The following RBBP6 variants were observed in gnomAD, a reference collection of about 807,000 sequenced individuals.
The protein encoded by RBBP6 is E3 ubiquitin-protein ligase RBBP6.
RBBP6 carries 25 observed loss-of-function variants against 167.7 expected under a neutral mutation model. The ratio of observed to expected loss-of-function variants is 0.15; its 90% CI spans 0.11 to 0.21. The LOEUF (loss-of-function observed/expected upper bound fraction) is 0.21. Among genes scored for constraint, RBBP6 ranks in the 10% least tolerant of loss-of-function variants. The pLI is 1.00. For missense variants in RBBP6, 1,868 were observed against 2,134.2 expected, an observed-to-expected ratio of 0.88 and a Z score of 2.46; for synonymous variants, 789 against 735.8, an observed-to-expected ratio of 1.07 and a Z score of -1.17.
chr16:24,571,460 A>G lies in RBBP6; in HGVS notation c.4394A>G (p.Lys1465Arg), dbSNP rs1276030729. Residue 1465 changes from lysine (K) to arginine (R), a missense_variant, in exon 18 of 18, where the codon AAA becomes AGA. Lys to Arg is a conservative substitution (Grantham distance 26). Transcript: ENST00000319715. ...KHDSTRASSN[K>R]DFTPNRDKKT... Reference sequence around the variant, plus strand: ...GATTCCACTCGTGCTTCCTCAAATAAAGACTTCACTCCCAATAGAGACAAA... The same window carrying G: ...GATTCCACTCGTGCTTCCTCAAATAGAGACTTCACTCCCAATAGAGACAAA... 2.5e-6 allele frequency: 4 copies of G among 1,612,806 alleles called. No homozygotes were observed. The African/African-American group carries it at 5.3e-5, about 22-fold the overall frequency.
Position 24,569,791 on chromosome 16 carries a change from T to C in RBBP6, c.3101T>C (p.Ile1034Thr), listed in dbSNP as rs199891868. The change falls in exon 17 of 18, where the codon ATT becomes ACT. Residue 1034 changes from isoleucine to threonine, a missense_variant. Ile to Thr is a moderately conservative substitution (Grantham distance 89, BLOSUM62 -1). Coordinates refer to ENST00000319715, the MANE Select transcript of RBBP6 (RefSeq NM_006910.5). The stretch of plus-strand genomic sequence containing the variant: ...TCTGCTGTGTCCAAAAAAGAAAATA[T>C]TGTAAAACCTGCTAAAGGACCCCAA... ...DGSAVSKKEN[I>T]VKPAKGPQEK... 1.4e-4 allele frequency: 227 copies of C among 1,613,186 alleles called. 1 individual carries two copies. In the Middle Eastern group the frequency reaches 3.0e-3, roughly 21 times the overall value.
At chr16:24,545,211 A>G (rs947449185) in intron 1 of RBBP6, among the ~76,000 whole-genome samples, 2 of 151,922 alleles carry the variant, frequency 1.3e-5, no homozygotes, top group Non-Finnish European at 2.9e-5. Context: ...AGCTGGGACT[A>G]CAGGCGCCCA....
rs1444525079 is a variant in RBBP6, at chr16:24,563,501, GGTGA to G, written c.1465+3_1465+6del. ...GCATGGACAGTTGATCCCCACAACT[GGTGA>G]GTAAGATCACTTTGGTTTAGACCTT... On this transcript the variant is annotated splice_donor_variant and splice_donor_region_variant and intron_variant, in intron 12 of 17. Coordinates refer to ENST00000319715, the MANE Select transcript of RBBP6 (RefSeq NM_006910.5). LOFTEE classifies it high-confidence loss of function. 2 of 1,612,554 alleles carry G rather than the reference GGTGA, an allele frequency of 1.2e-6. No homozygotes were observed. Among genetic ancestry groups the G allele is most frequent in the Non-Finnish European group, 1.7e-6 (2 of 1,179,666 alleles).
chr16:24,571,965 T>G lies in RBBP6; in HGVS notation c.4899T>G (p.Asp1633Glu), dbSNP rs1899351147. ...RLSSDLTRET[D>E]EAAFEPDYNE... ...CCTCTGACTTAACTAGAGAAACTGA[T>G]GAAGCTGCTTTTGAACCAGACTATA... Residue 1633 changes from aspartate to glutamate, a missense_variant, in exon 18 of 18, where the codon GAT becomes GAG. Transcript: ENST00000319715. The G allele has an allele frequency of 1.2e-6, 2 of 1,613,748 alleles. No individual in the cohort carries two copies. Among genetic ancestry groups the G allele is most frequent in the Non-Finnish European group, 1.7e-6 (2 of 1,179,942 alleles).
intron 3 of RBBP6, among the ~76,000 whole-genome samples, chr16:24,550,319 T>C (rs1159947794): frequency 6.6e-6 from 1 of 151,426 alleles, no homozygotes; most frequent in Non-Finnish European, 1.5e-5. Context: ...TCTTAGTGTT[T>C]GGGGTTTTTT....
In RBBP6 at chr16:24,571,443, T is replaced by C; in HGVS notation, c.4377T>C (p.Thr1459=). The C allele has an allele frequency of 3.7e-6, 6 of 1,613,036 alleles. No homozygotes were observed. Among genetic ancestry groups the C allele is most frequent in the Non-Finnish European group, 5.1e-6 (6 of 1,179,792 alleles). The change falls in exon 18 of 18, where the codon ACT becomes ACC. Residue 1459 remains threonine, a synonymous_variant. Transcript: ENST00000319715. ...EARTSDKHDS[T]RASSNKDFTP... is the part of the protein sequence containing the mutation. The stretch of plus-strand genomic sequence containing the variant: ...GAACGTCAGATAAACATGATTCCAC[T>C]CGTGCTTCCTCAAATAAAGACTTCA...
Position 24,572,619 on chromosome 16 carries a change from G to T in RBBP6, c.*174G>T. ...TCAGAGCTTTATAACACGAACTTTT[G>T]TACAGAATTGTGAGTTGTGACCATG... On this transcript the variant is annotated 3_prime_UTR_variant, in exon 18 of 18. Coordinates refer to ENST00000319715, the MANE Select transcript of RBBP6 (RefSeq NM_006910.5). 3.2e-6 allele frequency: 3 copies of T among 936,546 alleles called. No homozygotes were observed. The highest frequency in any genetic ancestry group is 4.5e-6 in the Non-Finnish European group (3 of 666,188). 58.0% of individuals were successfully genotyped at this position (936,546 alleles called of 1,614,324 possible). A position where few individuals can be genotyped will look rare whatever the true frequency, so the allele number is the denominator to read the frequency against.
chr16:24,553,802 A>AT (rs1228963327), intron 4 of RBBP6: 23 of 268,198 alleles, frequency 8.6e-5, no homozygotes, highest in East Asian at 3.9e-4. Context: ...ACACTTAATT[A>AT]TTTTTTTTCC....
intron 8 of RBBP6, among the ~76,000 whole-genome samples, chr16:24,560,503 T>C (rs1899024941): frequency 6.6e-6 from 1 of 152,226 alleles, no homozygotes; most frequent in African/African-American, 2.4e-5. Context: ...TTATCCTAAG[T>C]TTGTGCCTTC....
chr16:24,540,370 C>A lies in RBBP6; in HGVS notation c.-257C>A. 1.1e-5 allele frequency: 4 copies of A among 366,008 alleles called. No individual in the cohort carries two copies. Among genetic ancestry groups the A allele is most frequent in the Non-Finnish European group, 2.0e-5 (4 of 199,824 alleles). The allele number at this position is 366,008 out of a possible 1,614,324, so 22.7% of individuals were successfully genotyped here. On this transcript the variant is annotated 5_prime_UTR_variant, in exon 1 of 18. Coordinates refer to ENST00000319715, the MANE Select transcript of RBBP6 (RefSeq NM_006910.5). The stretch of plus-strand genomic sequence containing the variant: ...AGCCGGGTGACATTGTGCCCGTTGG[C>A]GGATTCTCGATTTCCCCTCTTCCCC...
intron 14 of RBBP6, 50 bp downstream of exon 14, chr16:24,564,915 A>C: frequency 6.4e-7 from 1 of 1,560,396 alleles, no homozygotes; most frequent in South Asian, 1.2e-5. Flanking sequence ...TTTTATATAT[A>C]TATCTCACCA....
Position 24,540,805 on chromosome 16 carries a change from T to C in RBBP6, c.166+13T>C. 1 of 1,608,698 alleles carries C rather than the reference T, an allele frequency of 6.2e-7. No individual in the cohort carries two copies. Among genetic ancestry groups the C allele is most frequent in the Non-Finnish European group, 8.5e-7 (1 of 1,178,170 alleles). On this transcript the variant is annotated intron_variant, in intron 1 of 17. Transcript: ENST00000319715. The stretch of plus-strand genomic sequence containing the variant: ...CAGACGAAAGAAGGTAAGGGCCGCT[T>C]GGTCTTAAGATATTTGGTGGCTGGA...
At chr16:24,559,752 C>T in intron 8 of RBBP6, 75 bp downstream of exon 8, 1 of 1,253,602 alleles carries the variant, frequency 8.0e-7, no homozygotes, top group Non-Finnish European at 1.1e-6. Context: ...TTCCCAACCT[C>T]ATATGTTTTA....
chr16:24,553,742 A>G, intron 4 of RBBP6, 185 bp downstream of exon 4: 1 of 383,614 alleles, frequency 2.6e-6, no homozygotes, highest in Non-Finnish European at 4.6e-6. Context: ...TGTCAGCCTC[A>G]GCGTATTGGA....
chr16:24,559,852 CAAT>C, intron 8 of RBBP6, 175 bp downstream of exon 8: 1 of 466,746 alleles, frequency 2.1e-6, no homozygotes, highest in South Asian at 7.0e-5. Flanking sequence ...CTTTTTTAAA[CAAT>C]AACCTGTTTG....
At position 24,569,542 on chromosome 16, in the gene RBBP6, C is replaced by T; in HGVS notation, c.2852C>T (p.Pro951Leu). Reference protein sequence around the residue: ...KGEESEGFLNPELLETSRKSR... With the variant: ...KGEESEGFLNLELLETSRKSR... ...GAGGAAAGTGAGGGTTTTCTGAACC[C>T]AGAGTTATTAGAGACTTCTAGGAAA... The change falls in exon 17 of 18, where the codon CCA (proline) becomes CTA (leucine). Residue 951 changes from proline to leucine, a missense_variant. Physicochemically the swap from Pro to Leu is moderately conservative, Grantham distance 98. Coordinates refer to ENST00000319715, the MANE Select transcript of RBBP6 (RefSeq NM_006910.5). 6.2e-7 allele frequency: 1 copy of T among 1,611,884 alleles called. No homozygotes were observed. Among genetic ancestry groups the T allele is most frequent in the Non-Finnish European group, 8.5e-7 (1 of 1,179,472 alleles).
chr16:24,561,905 C>T lies in RBBP6; in HGVS notation c.1033C>T (p.Pro345Ser), dbSNP rs1237491117. ...QLPPPPPPIP[P>S]PRPLIQRNLQ... ...ACCTCCTCCACCACCCCCAATACCA[C>T]CTCCGAGACCACTGATTCAGAGGAA... The change falls in exon 10 of 18, where the codon CCT becomes TCT. Residue 345 changes from proline (P) to serine (S), a missense_variant. Around this residue, in one of 7 missense-constraint regions of RBBP6, gnomAD observed 245 missense variants for 240.1 expected, o/e 1.02. Transcript: ENST00000319715. The T allele has an allele frequency of 7.4e-6, 12 of 1,614,076 alleles. No individual in the cohort carries two copies. The highest frequency in any genetic ancestry group is 1.0e-5 in the Non-Finnish European group (12 of 1,179,948).
intron 16 of RBBP6, 151 bp downstream of exon 16, chr16:24,568,044 C>G: frequency 1.5e-6 from 1 of 672,700 alleles, no homozygotes; most frequent in Non-Finnish European, 2.6e-6. Context: ...TTCCCAATAT[C>G]TGTTCATTGA....
rs528632682 is a variant in RBBP6, at chr16:24,539,922, C to T, written c.-705C>T. 139 of 153,176 alleles carry T rather than the reference C, an allele frequency of 9.1e-4. 1 individual carries two copies. Among genetic ancestry groups the T allele is most frequent in the Middle Eastern group, 3.4e-3 (1 of 294 alleles). The allele number at this position is 153,176 out of a possible 1,614,324, so 9.5% of individuals were successfully genotyped here. On this transcript the variant is annotated 5_prime_UTR_variant, in exon 1 of 18. Coordinates refer to ENST00000319715, the MANE Select transcript of RBBP6 (RefSeq NM_006910.5). ...AGCGCCGGCTTTGTGTCCGAGGCGGCGGCGGCGGCGGGGGGAGGCGGAGCC... is the reference window on the plus strand; with the variant it reads ...AGCGCCGGCTTTGTGTCCGAGGCGGTGGCGGCGGCGGGGGGAGGCGGAGCC...
Sources: gnomAD v4.1 joint callset for allele counts (sites outside exome capture counted in the v4.1 genomes callset) on GRCh38, gnomAD v4.1.1 for gene constraint, gnomAD v4.1.1 regional missense constraint, MANE v1.5 for transcripts, NCBI Gene and HGNC (gene_info 2026-07-23, HGNC 2026-07-21) for gene names.